Variants in TBXAS1 observed in about 807,000 individuals in gnomAD.
The protein encoded by TBXAS1 is thromboxane-A synthase.
A neutral mutation model predicts 60.7 loss-of-function variants in TBXAS1; 48 were observed. The ratio of observed to expected loss-of-function variants is 0.79; its 90% CI spans 0.63 to 1.01. TBXAS1 has a LOEUF of 1.01. Ranked by LOEUF, TBXAS1 falls within the 50% of genes least tolerant of loss-of-function variation. The pLI, the probability that TBXAS1 is intolerant of heterozygous loss-of-function variation, is 0.00. For synonymous variants in TBXAS1, 287 were observed against 269.7 expected (o/e 1.06, Z -0.63); for missense variants, 685 against 686.3 (o/e 1.00, Z 0.02).
rs1044071786 is a variant in TBXAS1 at position 139,999,046 on chromosome 7, G to A, written c.1135-8045G>A. Among the ~76,000 whole-genome samples, 1 of 152,216 alleles carries A rather than the reference G, an allele frequency of 6.6e-6. No homozygotes were observed. Among genetic ancestry groups the A allele is most frequent in the Non-Finnish European group, 1.5e-5 (1 of 68,038 alleles). Reference sequence around the variant, plus strand: ...TAGCACAGAGAACTTTCTGGGCATTGGCCAGGGAAGCCAGCAATGTGGATG... The same window carrying A: ...TAGCACAGAGAACTTTCTGGGCATTAGCCAGGGAAGCCAGCAATGTGGATG... On this transcript the variant is annotated intron_variant, in intron 9 of 12. Coordinates refer to ENST00000448866, the MANE Select transcript of TBXAS1 (RefSeq NM_001061.7). The surrounding 1 kb of genome is among the most constrained non-coding windows in gnomAD (Gnocchi z 4.3).
intron 4 of TBXAS1, among the ~76,000 whole-genome samples, chr7:139,804,046 A>G (rs1008520423): frequency 4.1e-4 from 63 of 152,274 alleles, no homozygotes; most frequent in African/African-American, 1.5e-3. Flanking sequence ...CAGACCCCAG[A>G]ATGGTAGATC....
intron 9 of TBXAS1, among the ~76,000 whole-genome samples, chr7:139,995,018 G>A (rs532978447): frequency 1.1e-3 from 164 of 152,288 alleles, no homozygotes; most frequent in African/African-American, 3.9e-3. Flanking sequence ...GCTGGGGAGC[G>A]CAGGAAACGG....
intron 4 of TBXAS1, among the ~76,000 whole-genome samples, chr7:139,912,281 G>GA (rs151192382): frequency 0.015 from 2,353 of 151,944 alleles, 58 homozygotes; most frequent in African/African-American, 0.055. Flanking sequence ...AATAAAGAAT[G>GA]AAAAAATGGC....
At chr7:139,965,063 A>G (rs574678382) in intron 9 of TBXAS1, among the ~76,000 whole-genome samples, 1 of 152,284 alleles carries the variant, frequency 6.6e-6, no homozygotes, top group East Asian at 1.9e-4. Context: ...TACTAAAACT[A>G]CAAAATTAGC....
In TBXAS1 at chr7:139,911,265, C is replaced by A. The variant is rs767252885; in HGVS notation, c.277C>A (p.Pro93Thr). 2 of 1,614,098 alleles carry A rather than the reference C, an allele frequency of 1.2e-6. No individual in the cohort carries two copies. Among genetic ancestry groups the A allele is most frequent in the Admixed American group, 1.7e-5 (1 of 60,012 alleles). ...TCGGATGTTTATTGTTATTTCTGAG[C>A]CAGACATGATCAAGCAGGTGTTGGT... ...GRRMFIVISE[P>T]DMIKQVLVEN... The change falls in exon 4 of 13, where the codon CCA (proline) becomes ACA (threonine). Residue 93 changes from proline (P) to threonine (T), a missense_variant. Physicochemically the swap from Pro to Thr is conservative, Grantham distance 38. Coordinates refer to ENST00000448866, the MANE Select transcript of TBXAS1 (RefSeq NM_001061.7).
At chr7:139,813,549 G>C (rs910467140) in intron 4 of TBXAS1, among the ~76,000 whole-genome samples, 5 of 152,160 alleles carry the variant, frequency 3.3e-5, no homozygotes, top group Admixed American at 6.6e-5. Context: ...TGCTTCTTTT[G>C]AATGATAACA....
intron 4 of TBXAS1, among the ~76,000 whole-genome samples, chr7:139,912,039 T>C (rs2117053053): frequency 6.6e-6 from 1 of 152,330 alleles, no homozygotes; most frequent in East Asian, 1.9e-4. Context: ...GAGACCAGCC[T>C]GGCCAACTTG....
intron 11 of TBXAS1, 128 bp from the exon 12 acceptor site, chr7:140,017,540 GAGC>G: frequency 8.2e-7 from 1 of 1,224,728 alleles, no homozygotes; most frequent in Admixed American, 2.1e-5. Flanking sequence ...GCTCAGGAAT[GAGC>G]AGCCATCAGC....
intron 5 of TBXAS1, among the ~76,000 whole-genome samples, chr7:139,948,628 A>G (rs965319791): frequency 6.6e-6 from 1 of 152,244 alleles, no homozygotes. Context: ...TATCCCATGA[A>G]GAAGATGAAA....
chr7:139,890,468 G>C (rs1349155139), intron 3 of TBXAS1, among the ~76,000 whole-genome samples: 1 of 152,060 alleles, frequency 6.6e-6, no homozygotes, highest in Non-Finnish European at 1.5e-5. Context: ...ACCCGCCTCG[G>C]CCTCCCAAAG....
intron 3 of TBXAS1, among the ~76,000 whole-genome samples, chr7:139,902,756 C>T (rs1172376224): frequency 6.6e-6 from 1 of 152,120 alleles, no homozygotes; most frequent in Non-Finnish European, 1.5e-5. Context: ...ACATGTTTGC[C>T]AGCCTTTGAT....
intron 1 of TBXAS1, among the ~76,000 whole-genome samples, chr7:139,833,926 C>A (rs1026079099): frequency 2.6e-5 from 4 of 152,034 alleles, no homozygotes; most frequent in South Asian, 2.1e-4. Flanking sequence ...AGCAAAGAAA[C>A]AATGGATTTA....
chr7:139,987,634 C>T (rs537387003), intron 9 of TBXAS1, among the ~76,000 whole-genome samples: 33 of 152,234 alleles, frequency 2.2e-4, no homozygotes, highest in African/African-American at 7.9e-4. Flanking sequence ...TGTCAGGACC[C>T]CCGACCCTAA....
chr7:139,991,361 A>G (rs1188049110), intron 9 of TBXAS1, among the ~76,000 whole-genome samples: 3 of 112,382 alleles, frequency 2.7e-5, no homozygotes, highest in African/African-American at 1.1e-4. Flanking sequence ...CGGTGCCCAC[A>G]CTTCCCTGTC....
At chr7:139,833,843 C>T (rs1220564411) in intron 1 of TBXAS1, among the ~76,000 whole-genome samples, 1 of 152,066 alleles carries the variant, frequency 6.6e-6, no homozygotes, top group Non-Finnish European at 1.5e-5. Flanking sequence ...ATGTGGTAGA[C>T]AGCAACACAA....
chr7:139,906,717 G>T (rs1175001106), intron 3 of TBXAS1, among the ~76,000 whole-genome samples: 1 of 152,056 alleles, frequency 6.6e-6, no homozygotes, highest in Non-Finnish European at 1.5e-5. Context: ...TGGGAGAATT[G>T]ATATTTTTAC....
intron 3 of TBXAS1, among the ~76,000 whole-genome samples, chr7:139,899,976 G>A (rs1420836170): frequency 2.6e-5 from 4 of 152,158 alleles, no homozygotes; most frequent in African/African-American, 9.7e-5. Flanking sequence ...CTGAAAAGTG[G>A]ATAAAATAAT....
chr7:139,827,669 T>C (rs1798477251), upstream of TBXAS1, among the ~76,000 whole-genome samples: 1 of 152,254 alleles, frequency 6.6e-6, no homozygotes, highest in Admixed American at 6.5e-5. Context: ...CTTGTAGTGG[T>C]GGCTTGGTAA....
chr7:139,884,467 G>A (rs1802926884), intron 3 of TBXAS1, among the ~76,000 whole-genome samples: 1 of 152,232 alleles, frequency 6.6e-6, no homozygotes, highest in Admixed American at 6.5e-5. Flanking sequence ...GGGAGCTGGA[G>A]CAGCAGGAAG....
Sources: gnomAD v4.1 joint callset for allele counts (sites outside exome capture counted in the v4.1 genomes callset) on GRCh38, gnomAD v4.1.1 for gene constraint, Gnocchi (gnomAD v3.1) non-coding constraint, MANE v1.5 for transcripts, NCBI Gene and HGNC (gene_info 2026-07-23, HGNC 2026-07-21) for gene names.